EPX: variants seen among roughly 807,000 people sequenced by gnomAD.
The protein encoded by EPX is eosinophil peroxidase.
Under a neutral mutation model 73.0 loss-of-function variants are expected in EPX, and 60 were observed. The observed-to-expected ratio is 0.82, with a 90% CI of 0.67 to 1.02. The LOEUF (loss-of-function observed/expected upper bound fraction) is 1.02. Among genes scored for constraint, EPX ranks in the 50% least tolerant of loss-of-function variants. EPX has a pLI of 0.00. For missense variants in EPX, 950 were observed against 973.9 expected, an observed-to-expected ratio of 0.98 and a Z score of 0.33; for synonymous variants, 347 against 389.2, an observed-to-expected ratio of 0.89 and a Z score of 1.28.
chr17:58,194,839 A>C (rs914771475), intron 5 of EPX, 125 bp from the exon 6 acceptor site: 3 of 740,048 alleles, frequency 4.1e-6, no homozygotes, highest in African/African-American at 3.5e-5. Context: ...AGGGGCATGG[A>C]GGGCAGAAGA....
chr17:58,194,266 G>A (rs1968224064), intron 5 of EPX, among the ~76,000 whole-genome samples, 174 bp downstream of exon 5: 1 of 152,140 alleles, frequency 6.6e-6, no homozygotes, highest in African/African-American at 2.4e-5. Context: ...CTGTAAAATG[G>A]CCCTAAAACC....
chr17:58,200,497 CA>C, intron 10 of EPX, 102 bp downstream of exon 10: 1 of 1,223,324 alleles, frequency 8.2e-7, no homozygotes, highest in Non-Finnish European at 1.2e-6. Flanking sequence ...GGACTGTCTA[CA>C]GGATGTGCAG....
intron 7 of EPX, 123 bp from the exon 8 acceptor site, chr17:58,198,917 G>A: frequency 2.1e-6 from 2 of 958,800 alleles, no homozygotes; most frequent in South Asian, 2.6e-5. Flanking sequence ...AAGAGATGGA[G>A]GTCCAGTGAG....
chr17:58,204,317 T>C lies in EPX; in HGVS notation c.2042T>C (p.Ile681Thr), dbSNP rs770593252. The change falls in exon 12 of 13, where the codon ATC becomes ACC. Residue 681 changes from isoleucine to threonine, a missense_variant. Coordinates refer to ENST00000225371, the MANE Select transcript of EPX (RefSeq NM_000502.6). ...CGAATTATATGTGACAATACCGGTA[T>C]CACCACGGTTTCAAGGGACATCTTC... ...LSRIICDNTGITTVSRDIFRA... is the reference protein window; with the variant it reads ...LSRIICDNTGTTTVSRDIFRA... 3.1e-6 allele frequency: 5 copies of C among 1,613,624 alleles called. No individual in the cohort carries two copies. In the South Asian group the frequency reaches 4.4e-5, roughly 14 times the overall value.
In EPX at chr17:58,204,293, G is replaced by A. The variant is rs376090047; in HGVS notation, c.2018G>A (p.Arg673Gln). Residue 673 changes from arginine (R) to glutamine (Q), a missense_variant, in exon 12 of 13, where the codon CGA becomes CAA. Physicochemically the swap from Arg to Gln is conservative, Grantham distance 43 (BLOSUM62 1). Transcript: ENST00000225371. ...GCCCTGAGCAGAATTTCCTTGTCTC[G>A]AATTATATGTGACAATACCGGTATC... ...RKALSRISLS[R>Q]IICDNTGITT... The A allele has an allele frequency of 1.3e-5, 21 of 1,613,668 alleles. No individual in the cohort carries two copies. The highest frequency in any genetic ancestry group is 1.6e-4 in the Middle Eastern group (1 of 6,084).
intron 10 of EPX, chr17:58,202,681 T>A: frequency 3.5e-6 from 1 of 282,996 alleles, no homozygotes; most frequent in Non-Finnish European, 6.9e-6. Context: ...GTTTGCTTGT[T>A]CATTCATTTA....
Position 58,199,923 on chromosome 17 carries a change from G to T in EPX, c.1537+129G>T. 2.9e-6 allele frequency: 3 copies of T among 1,052,224 alleles called. No individual in the cohort carries two copies. In the African/African-American group the frequency reaches 4.8e-5, roughly 17 times the overall value. 65.2% of individuals were successfully genotyped at this position (1,052,224 alleles called of 1,614,324 possible). ...ACTGCTAATATCTCCCCAGGACAGT[G>T]GAAACAAGGCAGGTGCCAGCAAGAC... On this transcript the variant is annotated intron_variant, in intron 9 of 12. Coordinates refer to ENST00000225371, the MANE Select transcript of EPX (RefSeq NM_000502.6).
At chr17:58,200,917 T>C (rs767297055) in intron 10 of EPX, among the ~76,000 whole-genome samples, 33 of 152,300 alleles carry the variant, frequency 2.2e-4, no homozygotes, top group Middle Eastern at 6.8e-3. Context: ...AGGCACTTTG[T>C]TAGTCACTTT....
chr17:58,203,863 C>A (rs79305824), intron 11 of EPX, among the ~76,000 whole-genome samples: 1 of 124,240 alleles, frequency 8.0e-6, no homozygotes, highest in South Asian at 2.8e-4. Context: ...ACCCGGGAGG[C>A]GGAGCTTGCA....
In EPX at chr17:58,203,188, T is replaced by G. The variant is rs1486971495; in HGVS notation, c.1816T>G (p.Tyr606Asp). ...CTTGGCAAGGAAGTTCCTGAATTTG[T>G]ATGGAACACCTGACAACATTGACAT... ...QDLARKFLNLYGTPDNIDIWI... is the reference protein window; with the variant it reads ...QDLARKFLNLDGTPDNIDIWI... The change falls in exon 11 of 13, where the codon TAT (tyrosine) becomes GAT (aspartate). Residue 606 changes from tyrosine to aspartate, a missense_variant. Physicochemically the swap from Tyr to Asp is radical, Grantham distance 160 (BLOSUM62 -3). Transcript: ENST00000225371. The G allele has an allele frequency of 6.2e-7, 1 of 1,614,074 alleles. No individual in the cohort carries two copies. The highest frequency in any genetic ancestry group is 1.3e-5 in the African/African-American group (1 of 74,940).
At position 58,199,800 on chromosome 17, in the gene EPX, C is replaced by T. The variant is rs1486578777; in HGVS notation, c.1537+6C>T. ...CTGGCGGATCGTGTATGAAGGTGAC[C>T]AGGTTTTCCAGGGGGCAAATGGGGG... is the stretch of plus-strand genomic sequence containing the variant. On this transcript the variant is annotated splice_donor_region_variant and intron_variant, in intron 9 of 12. Coordinates refer to ENST00000225371, the MANE Select transcript of EPX (RefSeq NM_000502.6). The T allele has an allele frequency of 6.2e-7, 1 of 1,606,518 alleles. No individual in the cohort carries two copies. Among genetic ancestry groups the T allele is most frequent in the Admixed American group, 1.7e-5 (1 of 59,704 alleles).
At chr17:58,200,860 G>T (rs1405152480) in intron 10 of EPX, among the ~76,000 whole-genome samples, 1 of 152,194 alleles carries the variant, frequency 6.6e-6, no homozygotes, top group African/African-American at 2.4e-5. Flanking sequence ...TGCAGTGGCT[G>T]TTTGGTGAGG....
intron 7 of EPX, among the ~76,000 whole-genome samples, chr17:58,198,243 G>C (rs1968288965): frequency 6.6e-6 from 1 of 152,162 alleles, no homozygotes. Flanking sequence ...CAGGGAAAGT[G>C]AATCATGCGC....
Position 58,193,518 on chromosome 17 carries a change from C to T in EPX, c.318C>T (p.Pro106=). ...GGCTGCTTGAAGAGAAGTTACAACC[C>T]CAGCGGTCCGGACCCTTCAATGTCA... is the stretch of plus-strand genomic sequence containing the variant. ...ALGLLEEKLQ[P]QRSGPFNVTD... is the part of the protein sequence containing the mutation. The change falls in exon 3 of 13, where the codon CCC becomes CCT. Residue 106 remains proline (P), a synonymous_variant. Transcript: ENST00000225371. 1 of 1,614,174 alleles carries T rather than the reference C, an allele frequency of 6.2e-7. No homozygotes were observed. Among genetic ancestry groups the T allele is most frequent in the Non-Finnish European group, 8.5e-7 (1 of 1,180,028 alleles).
chr17:58,203,021 A>G (rs2143719553), intron 10 of EPX, 60 bp from the exon 11 acceptor site: 1 of 1,312,584 alleles, frequency 7.6e-7, no homozygotes, highest in Non-Finnish European at 1.1e-6. Context: ...CTGGTGGAGA[A>G]AAACAGAAGC....
chr17:58,196,417 C>G (rs1318126050), intron 6 of EPX, among the ~76,000 whole-genome samples: 1 of 152,138 alleles, frequency 6.6e-6, no homozygotes, highest in Non-Finnish European at 1.5e-5. Flanking sequence ...CCACATATGG[C>G]TTTTCTATCA....
Position 58,200,234 on chromosome 17 carries a change from A to AC in EPX, c.1551dup (p.Ile518HisfsTer22), listed in dbSNP as rs765136956. The stretch of plus-strand genomic sequence containing the variant: ...CATTCCCTGCCACCAGGGGGCATCG[A>AC]CCCCATCCTCCGGGGCCTCATGGCC... On this transcript the variant is annotated frameshift_variant, in exon 10 of 13. Coordinates refer to ENST00000225371, the MANE Select transcript of EPX (RefSeq NM_000502.6). LOFTEE classifies it high-confidence loss of function. 10 of 1,613,826 alleles carry AC rather than the reference A, an allele frequency of 6.2e-6. No homozygotes were observed. Among genetic ancestry groups the AC allele is most frequent in the Non-Finnish European group, 8.5e-6 (10 of 1,179,972 alleles).
rs759154867 is a variant in EPX at position 58,192,772 on chromosome 17, G to A, written c.-75G>A. On this transcript the variant is annotated 5_prime_UTR_variant, in exon 1 of 13. Coordinates refer to ENST00000225371, the MANE Select transcript of EPX (RefSeq NM_000502.6). ...GGTCGGCTGGGGGTCCTCAAAGTGA[G>A]AGGGGAGCAGAGGATCCTCCCGTGC... The A allele has an allele frequency of 4.0e-5, 52 of 1,305,560 alleles. No homozygotes were observed. Among genetic ancestry groups the A allele is most frequent in the Non-Finnish European group, 5.6e-5 (51 of 918,694 alleles). 80.9% of individuals were successfully genotyped at this position (1,305,560 alleles called of 1,614,324 possible). A position where few individuals can be genotyped will look rare whatever the true frequency, so the allele number is the denominator to read the frequency against.
At chr17:58,198,936 G>A in intron 7 of EPX, 104 bp from the exon 8 acceptor site, 1 of 1,231,350 alleles carries the variant, frequency 8.1e-7, no homozygotes, top group Non-Finnish European at 1.2e-6. Flanking sequence ...AGGGCCAGGA[G>A]TTTGGCCCAC....
Sources: allele counts gnomAD v4.1 joint callset (sites outside exome capture counted in the v4.1 genomes callset), GRCh38; gene constraint gnomAD v4.1.1; transcripts MANE v1.5; gene names NCBI Gene and HGNC (gene_info 2026-07-23, HGNC 2026-07-21).